Variants in NRXN1 observed in about 807,000 individuals in gnomAD.
NRXN1 encodes the protein neurexin-1.
NRXN1 carries 39 observed loss-of-function variants against 150.9 expected under a neutral mutation model. The ratio of observed to expected loss-of-function variants is 0.26; its 90% CI spans 0.20 to 0.34. The LOEUF (loss-of-function observed/expected upper bound fraction) is 0.34, where lower values mean the gene tolerates loss of function less well. Among genes scored for constraint, NRXN1 ranks in the 10% least tolerant of loss-of-function variants. NRXN1 has a pLI of 1.00. For missense variants in NRXN1, 1,815 were observed against 1,949.9 expected, an observed-to-expected ratio of 0.93 and a Z score of 1.30; for synonymous variants, 924 against 757.0, an observed-to-expected ratio of 1.22 and a Z score of -3.62.
Position 50,933,919 on chromosome 2 carries a change from C to T in NRXN1, c.773-7964G>A, listed in dbSNP as rs552676634. On this transcript the variant is annotated intron_variant, in intron 2 of 22. Transcript: ENST00000401669. Reference sequence around the variant, plus strand: ...TTTTTAAAAATGTATAATAAGAAGACGGTATACTTAATTACTTCTTCAAAT... The same window carrying T: ...TTTTTAAAAATGTATAATAAGAAGATGGTATACTTAATTACTTCTTCAAAT... 2.2e-4 allele frequency among the ~76,000 whole-genome samples: 34 copies of T among 152,188 alleles called. No homozygotes were observed. In the South Asian group the frequency reaches 3.9e-3, roughly 18 times the overall value.
chr2:50,109,725 C>T, intron 18 of NRXN1, among the ~76,000 whole-genome samples: 1 of 152,126 alleles, frequency 6.6e-6, no homozygotes, highest in East Asian at 1.9e-4. Context: ...CTGATGTTTT[C>T]CTTCAAAATT....
At chr2:49,927,881 G>C (rs1669385064) in intron 22 of NRXN1, among the ~76,000 whole-genome samples, 1 of 151,910 alleles carries the variant, frequency 6.6e-6, no homozygotes, top group Admixed American at 6.6e-5. Flanking sequence ...TATATATTTT[G>C]GTTCCAAAGT....
At chr2:50,535,472 A>G (rs905701932) in intron 10 of NRXN1, among the ~76,000 whole-genome samples, 3 of 152,220 alleles carry the variant, frequency 2.0e-5, no homozygotes, top group African/African-American at 7.2e-5. Flanking sequence ...GAGCCAAATT[A>G]TATTGCTCTG....
chr2:50,225,327 C>G (rs767965700), intron 18 of NRXN1, among the ~76,000 whole-genome samples: 1 of 151,972 alleles, frequency 6.6e-6, no homozygotes, highest in Non-Finnish European at 1.5e-5. Flanking sequence ...ATTGCTTCCT[C>G]TGTAAACCAT....
At chr2:49,984,272 C>T (rs1015190981) in intron 21 of NRXN1, among the ~76,000 whole-genome samples, 6 of 152,100 alleles carry the variant, frequency 3.9e-5, no homozygotes, top group Admixed American at 3.9e-4. Context: ...ATGTGGCTAG[C>T]AAGTGGAAAA....
intron 17 of NRXN1, among the ~76,000 whole-genome samples, chr2:50,412,934 A>T (rs1386750453): frequency 6.6e-6 from 1 of 152,208 alleles, no homozygotes; most frequent in Non-Finnish European, 1.5e-5. Flanking sequence ...AAATCAAACC[A>T]AAATGGATTA....
intron 8 of NRXN1, among the ~76,000 whole-genome samples, chr2:50,582,427 G>T (rs1363473297): frequency 7.7e-6 from 1 of 129,692 alleles, no homozygotes; most frequent in East Asian, 2.4e-4. Context: ...GTTGCAGTGA[G>T]CCGCGACTGT....
chr2:50,275,864 G>A (rs905467671), intron 17 of NRXN1, among the ~76,000 whole-genome samples: 14 of 151,776 alleles, frequency 9.2e-5, no homozygotes, highest in Middle Eastern at 6.4e-3. Context: ...GTGAATTGCT[G>A]TATAACTATA....
At chr2:50,899,965 A>AT (rs1399306368) in intron 5 of NRXN1, among the ~76,000 whole-genome samples, 1 of 152,194 alleles carries the variant, frequency 6.6e-6, no homozygotes, top group African/African-American at 2.4e-5. Context: ...ACACAGAGGT[A>AT]TTTTAAAATA....
intron 12 of NRXN1, among the ~76,000 whole-genome samples, chr2:50,520,033 A>G (rs1371752162): frequency 5.9e-5 from 9 of 151,944 alleles, no homozygotes; most frequent in Admixed American, 5.2e-4. Flanking sequence ...TTCCTATACC[A>G]TGGCTCTATA....
chr2:50,942,961 C>G (rs1360756816), intron 2 of NRXN1, among the ~76,000 whole-genome samples: 1 of 152,080 alleles, frequency 6.6e-6, no homozygotes, highest in East Asian at 1.9e-4. Context: ...AATTGTAATC[C>G]CCATGTGTTG....
chr2:50,308,107 G>T (rs2074809994), intron 17 of NRXN1, among the ~76,000 whole-genome samples: 1 of 151,986 alleles, frequency 6.6e-6, no homozygotes, highest in African/African-American at 2.4e-5. Flanking sequence ...GTTGTTGTTG[G>T]TAGGGAGAGA....
chr2:50,496,062 A>C lies in NRXN1; in HGVS notation c.2913T>G (p.Gly971=). 6.2e-7 allele frequency: 1 copy of C among 1,610,006 alleles called. No homozygotes were observed. Among genetic ancestry groups the C allele is most frequent in the Non-Finnish European group, 8.5e-7 (1 of 1,177,812 alleles). ...TTGAGCTTCCTTTGATGAGGTTAGC[A>C]CCATTTCCCAAATCAAACACGTAAT... is the stretch of plus-strand genomic sequence containing the variant. The part of the protein sequence containing the change: ...YLHYVFDLGN[G]ANLIKGSSNK... The change falls in exon 15 of 23, where the codon GGT becomes GGG. Residue 971 remains glycine (G), a synonymous_variant. Transcript: ENST00000401669.
At chr2:50,681,164 T>A (rs1352185402) in intron 5 of NRXN1, among the ~76,000 whole-genome samples, 1 of 152,214 alleles carries the variant, frequency 6.6e-6, no homozygotes. Flanking sequence ...CAGACTCTAA[T>A]GTTGGATCTG....
At chr2:50,154,544 A>G (rs577024791) in intron 18 of NRXN1, among the ~76,000 whole-genome samples, 1 of 151,856 alleles carries the variant, frequency 6.6e-6, no homozygotes, top group East Asian at 1.9e-4. Flanking sequence ...AAAAAAGGAC[A>G]GTTCTAAAGA....
chr2:50,802,342 A>T (rs554576258), intron 5 of NRXN1, among the ~76,000 whole-genome samples: 1 of 152,172 alleles, frequency 6.6e-6, no homozygotes, highest in Non-Finnish European at 1.5e-5. Context: ...AAATACAAAA[A>T]TTAGTGGAGC....
chr2:50,915,056 T>C lies in NRXN1; in HGVS notation c.832+6813A>G, dbSNP rs532474885. 2.0e-5 allele frequency among the ~76,000 whole-genome samples: 3 copies of C among 151,786 alleles called. No individual in the cohort carries two copies. In the East Asian group the frequency reaches 5.8e-4, roughly 30 times the overall value. On this transcript the variant is annotated intron_variant, in intron 5 of 22. Transcript: ENST00000401669. ...TATGAAGAGAAACTAGATCATGGTA[T>C]GGAAGTTCAGGAGACGGCCAAATTG...
intron 9 of NRXN1, chr2:50,551,336 GT>G (rs1667511332): frequency 6.6e-6 from 1 of 152,028 alleles, no homozygotes; most frequent in African/African-American, 2.4e-5. Context: ...TCTTTATTTT[GT>G]TAGGTAAAAA....
intron 8 of NRXN1, among the ~76,000 whole-genome samples, chr2:50,606,083 T>TA (rs1677065714): frequency 6.6e-6 from 1 of 151,702 alleles, no homozygotes. Flanking sequence ...ACCCCATCTC[T>TA]ACCAAAAAAT....
Sources: allele counts gnomAD v4.1 joint callset (sites outside exome capture counted in the v4.1 genomes callset), GRCh38; gene constraint gnomAD v4.1.1; transcripts MANE v1.5; gene names NCBI Gene and HGNC (gene_info 2026-07-23, HGNC 2026-07-21).